Variants in UBE2E2 observed in about 807,000 individuals in gnomAD.
The protein encoded by UBE2E2 is ubiquitin conjugating enzyme E2 E2.
In UBE2E2, 6 loss-of-function variants were observed where a neutral mutation model predicts 24.7. The ratio of observed to expected loss-of-function variants is 0.24; its 90% CI spans 0.13 to 0.48. UBE2E2 has a LOEUF of 0.48. Ranked by LOEUF, UBE2E2 falls within the 20% of genes least tolerant of loss-of-function variation. UBE2E2 has a pLI of 0.99. For missense variants in UBE2E2, 169 were observed against 245.0 expected, an observed-to-expected ratio of 0.69 and a Z score of 2.07; for synonymous variants, 104 against 83.6, an observed-to-expected ratio of 1.24 and a Z score of -1.33.
intron 5 of UBE2E2, among the ~76,000 whole-genome samples, chr3:23,588,404 T>G (rs1696676223): frequency 1.0e-5 from 1 of 98,144 alleles, no homozygotes; most frequent in East Asian, 2.8e-4. Context: ...GTTTTTTTGT[T>G]TTTTTGTTTT....
intron 3 of UBE2E2, among the ~76,000 whole-genome samples, chr3:23,344,464 T>C (rs1336368598): frequency 2.6e-5 from 4 of 152,162 alleles, no homozygotes; most frequent in Non-Finnish European, 5.9e-5. Context: ...TTTGAATTTT[T>C]TTTTTTCAGT....
At chr3:23,390,195 A>G (rs1482504350) in intron 3 of UBE2E2, among the ~76,000 whole-genome samples, 2 of 152,126 alleles carry the variant, frequency 1.3e-5, no homozygotes, top group Non-Finnish European at 2.9e-5. Context: ...AAGCCTGGAA[A>G]CCGAGGCCCT....
intron 2 of UBE2E2, among the ~76,000 whole-genome samples, chr3:23,213,118 G>A (rs1696375529): frequency 6.6e-6 from 1 of 152,088 alleles, no homozygotes; most frequent in Non-Finnish European, 1.5e-5. Context: ...TAGATGAGAT[G>A]AAGGGTTTTA....
chr3:23,534,683 T>C (rs1294562999), intron 5 of UBE2E2, among the ~76,000 whole-genome samples: 42 of 152,200 alleles, frequency 2.8e-4, no homozygotes, highest in Admixed American at 2.5e-3. Flanking sequence ...AATGGACTTA[T>C]TTCACACTGT....
chr3:23,510,567 A>G (rs960039827), intron 4 of UBE2E2, among the ~76,000 whole-genome samples: 8 of 152,112 alleles, frequency 5.3e-5, no homozygotes, highest in East Asian at 1.9e-4. Flanking sequence ...AAATCATGCC[A>G]CTGCACTCCA....
chr3:23,539,907 A>G (rs1403782415), intron 5 of UBE2E2, among the ~76,000 whole-genome samples: 1 of 152,182 alleles, frequency 6.6e-6, no homozygotes, highest in African/African-American at 2.4e-5. Flanking sequence ...GATGGCCTCT[A>G]GACTCTCCTT....
chr3:23,250,744 T>C (rs917757998), intron 3 of UBE2E2, among the ~76,000 whole-genome samples: 5 of 152,232 alleles, frequency 3.3e-5, no homozygotes, highest in Non-Finnish European at 7.4e-5. Flanking sequence ...TTCTGTTGAG[T>C]TTTTCTGTTT....
At chr3:23,529,256 C>T (rs545099309) in intron 4 of UBE2E2, among the ~76,000 whole-genome samples, 1 of 152,228 alleles carries the variant, frequency 6.6e-6, no homozygotes, top group East Asian at 1.9e-4. Context: ...GATAAAATTA[C>T]ATAGAACTAA....
intron 4 of UBE2E2, among the ~76,000 whole-genome samples, chr3:23,516,409 CAGTT>C (rs1171040991): frequency 1.3e-5 from 2 of 152,118 alleles, no homozygotes; most frequent in African/African-American, 4.8e-5. Flanking sequence ...TTACCTTACT[CAGTT>C]GGTATTAGAG....
intron 3 of UBE2E2, among the ~76,000 whole-genome samples, chr3:23,394,827 C>T (rs1345650825): frequency 6.6e-6 from 1 of 152,170 alleles, no homozygotes; most frequent in Non-Finnish European, 1.5e-5. Context: ...CTTTGAATAG[C>T]CAGCTTTCAG....
chr3:23,266,371 G>C (rs1326504526), intron 3 of UBE2E2, among the ~76,000 whole-genome samples: 5 of 152,140 alleles, frequency 3.3e-5, no homozygotes, highest in African/African-American at 1.2e-4. Flanking sequence ...GCATTTGCTT[G>C]TCTGTAAAGG....
rs9823960 is a variant in UBE2E2 at position 23,519,800 on chromosome 3, C to G, written c.361-12754C>G. Among the ~76,000 whole-genome samples the G allele has an allele frequency of 9.7e-3, 1,475 of 152,180 alleles. 24 individuals carry two copies. Among genetic ancestry groups the G allele is most frequent in the African/African-American group, 0.033 (1,374 of 41,492 alleles). On this transcript the variant is annotated intron_variant, in intron 4 of 5. Coordinates refer to ENST00000396703, the MANE Select transcript of UBE2E2 (RefSeq NM_152653.4). ...CAAGTGATCTTCCCTCCTCAACCTT[C>G]TGACTGGCTAGGGCTACAGACACAT...
At chr3:23,216,203 C>T (rs561937729) in intron 2 of UBE2E2, among the ~76,000 whole-genome samples, 2 of 152,160 alleles carry the variant, frequency 1.3e-5, no homozygotes, top group Admixed American at 6.5e-5. Flanking sequence ...CCTTGAATCA[C>T]GTGGTTTAGA....
intron 3 of UBE2E2, among the ~76,000 whole-genome samples, chr3:23,284,483 A>C (rs923988122): frequency 1.3e-5 from 2 of 152,074 alleles, no homozygotes; most frequent in Non-Finnish European, 2.9e-5. Context: ...GGCAACTTGG[A>C]AGTGTGTCCT....
At chr3:23,388,005 A>G (rs144906154) in intron 3 of UBE2E2, among the ~76,000 whole-genome samples, 1 of 152,322 alleles carries the variant, frequency 6.6e-6, no homozygotes, top group East Asian at 1.9e-4. Context: ...AAAGAGGACA[A>G]AAAAATTCCT....
chr3:23,211,058 A>G (rs995930711), intron 2 of UBE2E2, among the ~76,000 whole-genome samples: 2 of 152,086 alleles, frequency 1.3e-5, no homozygotes, highest in South Asian at 4.2e-4. Flanking sequence ...AGCACAGAGG[A>G]CCCCACATCT....
intron 3 of UBE2E2, among the ~76,000 whole-genome samples, chr3:23,227,807 T>C (rs903970686): frequency 1.3e-5 from 2 of 152,212 alleles, no homozygotes; most frequent in African/African-American, 4.8e-5. Flanking sequence ...TGGTCTTGCC[T>C]TATGTTCCAT....
intron 3 of UBE2E2, among the ~76,000 whole-genome samples, chr3:23,238,070 G>C (rs1697164325): frequency 6.6e-6 from 1 of 151,990 alleles, no homozygotes. Context: ...GTGGGGACCT[G>C]GAATAAATAT....
At position 23,556,140 on chromosome 3, in the gene UBE2E2, C is replaced by CTTT. The variant is rs71057604; in HGVS notation, c.508+23460_508+23462dup. ...GTGTTGTATACCTTAAATATACAAA[C>CTTT]TTTTTTTTTTTTTTTTTTTTTTTGA... is the stretch of plus-strand genomic sequence containing the variant. On this transcript the variant is annotated intron_variant, in intron 5 of 5. Coordinates refer to ENST00000396703, the MANE Select transcript of UBE2E2 (RefSeq NM_152653.4). 3.3e-3 allele frequency among the ~76,000 whole-genome samples: 306 copies of CTTT among 92,308 alleles called. 4 individuals carry two copies. Among genetic ancestry groups the CTTT allele is most frequent in the African/African-American group, 7.0e-3 (158 of 22,696 alleles). The allele number at this position is 92,308 out of a possible 152,430, so 60.6% of individuals were successfully genotyped here.
Sources: gnomAD v4.1 joint callset for allele counts (sites outside exome capture counted in the v4.1 genomes callset) on GRCh38, gnomAD v4.1.1 for gene constraint, MANE v1.5 for transcripts, NCBI Gene and HGNC (gene_info 2026-07-23, HGNC 2026-07-21) for gene names.